Variants in CTNNA2 observed in about 807,000 individuals in gnomAD.
CTNNA2 encodes the protein catenin alpha-2.
Under a neutral mutation model 101.0 loss-of-function variants are expected in CTNNA2, and 42 were observed. The ratio of observed to expected loss-of-function variants is 0.42; its 90% confidence interval spans 0.32 to 0.54. CTNNA2 has a LOEUF of 0.54. CTNNA2 is among the 20% of genes least tolerant of loss of function. CTNNA2 has a pLI of 0.14. For missense variants in CTNNA2, 871 were observed against 1,223.1 expected, an observed-to-expected ratio of 0.71 and a Z score of 4.29; for synonymous variants, 450 against 456.4, an observed-to-expected ratio of 0.99 and a Z score of 0.18.
intron 6 of CTNNA2, among the ~76,000 whole-genome samples, chr2:79,893,999 C>CTTT (rs1684495305): frequency 3.2e-5 from 2 of 61,568 alleles, no homozygotes; most frequent in South Asian, 1.1e-3. Flanking sequence ...TTTTCTTCTT[C>CTTT]TTCTTCTTCT....
chr2:79,548,839 C>T (rs1673904350), intron 1 of CTNNA2, among the ~76,000 whole-genome samples: 1 of 152,192 alleles, frequency 6.6e-6, no homozygotes, highest in Non-Finnish European at 1.5e-5. Flanking sequence ...TCCTCTTTAC[C>T]TGACTTGCAT....
At chr2:79,492,307 G>A (rs760975946) in intron 4 of CTNNA2, among the ~76,000 whole-genome samples, 1 of 151,392 alleles carries the variant, frequency 6.6e-6, no homozygotes, top group Non-Finnish European at 1.5e-5. Context: ...TTAGAGTGTT[G>A]GATCACCTAA....
chr2:79,745,971 C>A (rs765690112), intron 3 of CTNNA2, among the ~76,000 whole-genome samples: 1 of 152,066 alleles, frequency 6.6e-6, no homozygotes, highest in East Asian at 1.9e-4. Flanking sequence ...TTTTTCAGAG[C>A]CTGCATGCTG....
At chr2:79,929,916 G>T (rs1420564939) in intron 7 of CTNNA2, among the ~76,000 whole-genome samples, 2 of 152,058 alleles carry the variant, frequency 1.3e-5, no homozygotes, top group African/African-American at 4.8e-5. Context: ...CAAAGATGAG[G>T]ATAGTTCTTC....
chr2:80,501,719 C>A (rs1343596067), intron 9 of CTNNA2, among the ~76,000 whole-genome samples: 1 of 152,080 alleles, frequency 6.6e-6, no homozygotes. Context: ...ATTGGATATG[C>A]GGGGAAAGCC....
chr2:79,262,283 AC>A (rs763022734), intron 2 of CTNNA2, among the ~76,000 whole-genome samples: 4 of 152,080 alleles, frequency 2.6e-5, no homozygotes, highest in African/African-American at 7.2e-5. Flanking sequence ...GTTTTTAAAA[AC>A]CCTTTAGAAA....
intron 9 of CTNNA2, among the ~76,000 whole-genome samples, chr2:80,515,600 A>C (rs546518168): frequency 6.6e-6 from 1 of 152,356 alleles, no homozygotes; most frequent in African/African-American, 2.4e-5. Flanking sequence ...GAGCTGCATT[A>C]GAATGAGAAG....
intron 3 of CTNNA2, among the ~76,000 whole-genome samples, chr2:79,746,163 C>T (rs142290431): frequency 6.6e-6 from 1 of 152,182 alleles, no homozygotes; most frequent in Non-Finnish European, 1.5e-5. Flanking sequence ...TTACTTATGT[C>T]GAAGAACTTT....
intron 9 of CTNNA2, among the ~76,000 whole-genome samples, chr2:80,433,673 C>T (rs940049137): frequency 2.6e-5 from 4 of 152,050 alleles, no homozygotes; most frequent in African/African-American, 9.7e-5. Flanking sequence ...GTTTTTCTGC[C>T]CTTGAATTTT....
At chr2:80,228,368 G>A (rs974555055) in intron 7 of CTNNA2, among the ~76,000 whole-genome samples, 1 of 152,026 alleles carries the variant, frequency 6.6e-6, no homozygotes, top group African/African-American at 2.4e-5. Flanking sequence ...GAGTGAACAA[G>A]CTCCCTCAGG....
At chr2:79,739,408 G>C (rs951368661) in intron 2 of CTNNA2, among the ~76,000 whole-genome samples, 1 of 151,952 alleles carries the variant, frequency 6.6e-6, no homozygotes, top group Non-Finnish European at 1.5e-5. Context: ...TTTATTTCTG[G>C]ATTTCTCTAC....
intron 3 of CTNNA2, among the ~76,000 whole-genome samples, chr2:79,838,475 A>G (rs931238728): frequency 7.2e-5 from 11 of 152,168 alleles, no homozygotes; most frequent in African/African-American, 2.2e-4. Context: ...ATAGGAGGCT[A>G]TATCTGAATA....
At chr2:79,453,476 C>T (rs543220043) in intron 4 of CTNNA2, among the ~76,000 whole-genome samples, 4 of 152,186 alleles carry the variant, frequency 2.6e-5, no homozygotes, top group Admixed American at 1.3e-4. Context: ...TTTGTGCCAA[C>T]AGATAAGTGA....
Position 79,558,357 on chromosome 2 carries a change from C to T in CTNNA2, c.-6+45150C>T, listed in dbSNP as rs563435086. Among the ~76,000 whole-genome samples the T allele has an allele frequency of 6.6e-5, 10 of 151,818 alleles. No homozygotes were observed. In the East Asian group the frequency reaches 7.7e-4, roughly 12 times the overall value. ...TTAGTAAACTTCTGGTCTGATAACA[C>T]GCCTAATAGGTACCAAAATTCAGGT... On this transcript the variant is annotated intron_variant, in intron 1 of 18. Coordinates refer to ENST00000402739, the MANE Select transcript of CTNNA2 (RefSeq NM_001282597.3).
chr2:80,370,823 T>C (rs1421990986), intron 7 of CTNNA2, among the ~76,000 whole-genome samples: 1 of 152,158 alleles, frequency 6.6e-6, no homozygotes, highest in East Asian at 1.9e-4. Flanking sequence ...AAAAGGCAGA[T>C]TAGTAACAGA....
At chr2:80,217,854 A>G (rs958611800) in intron 7 of CTNNA2, among the ~76,000 whole-genome samples, 1 of 152,208 alleles carries the variant, frequency 6.6e-6, no homozygotes, top group Non-Finnish European at 1.5e-5. Flanking sequence ...TCCTCTGCAG[A>G]GCAGAGCGCT....
intron 3 of CTNNA2, among the ~76,000 whole-genome samples, chr2:79,802,875 T>C (rs1286316716): frequency 1.3e-5 from 2 of 152,218 alleles, no homozygotes; most frequent in Non-Finnish European, 2.9e-5. Flanking sequence ...CTGTTCTTAA[T>C]GTGCAAGCAC....
chr2:80,001,308 G>T (rs1430428197), intron 7 of CTNNA2, among the ~76,000 whole-genome samples: 1 of 152,036 alleles, frequency 6.6e-6, no homozygotes, highest in Non-Finnish European at 1.5e-5. Context: ...ACTCAGAATT[G>T]TTTTTCTGTC....
intron 7 of CTNNA2, among the ~76,000 whole-genome samples, chr2:80,147,704 C>T (rs1465746676): frequency 1.3e-5 from 2 of 152,168 alleles, no homozygotes; most frequent in Non-Finnish European, 2.9e-5. Flanking sequence ...CATTTCCTCT[C>T]CTGTTTTATC....
Sources: gnomAD v4.1 joint callset for allele counts (sites outside exome capture counted in the v4.1 genomes callset) on GRCh38, gnomAD v4.1.1 for gene constraint, MANE v1.5 for transcripts, NCBI Gene and HGNC (gene_info 2026-07-23, HGNC 2026-07-21) for gene names.